ZNF841: variants seen among roughly 807,000 people sequenced by gnomAD.
The protein encoded by ZNF841 is TCONS_00006091.
Under a neutral mutation model 13.0 loss-of-function variants are expected in ZNF841, and 11 were observed. The observed-to-expected ratio is 0.85, with a 90% CI of 0.53 to 1.40. The LOEUF (loss-of-function observed/expected upper bound fraction) is 1.40, where lower values mean the gene tolerates loss of function less well. Among genes scored for constraint, ZNF841 ranks in the 40% most tolerant of loss-of-function variants. ZNF841 has a pLI of 0.00. For missense variants in ZNF841, 1,068 were observed against 1,139.5 expected, an observed-to-expected ratio of 0.94 and a Z score of 0.90; for synonymous variants, 369 against 381.6, an observed-to-expected ratio of 0.97 and a Z score of 0.38.
chr19:52,077,373 A>G (rs16983427), intron 4 of ZNF841, among the ~76,000 whole-genome samples: 2,999 of 152,354 alleles, frequency 0.02, 97 homozygotes, highest in African/African-American at 0.068. Context: ...TGTTACACCA[A>G]GTGAGGTGTC....
intron 3 of ZNF841, 133 bp from the exon 4 acceptor site, chr19:52,085,011 A>C: frequency 1.8e-6 from 1 of 564,414 alleles, no homozygotes; most frequent in Non-Finnish European, 3.1e-6. Flanking sequence ...AGCATAATAA[A>C]CTCCTACACA....
intron 2 of ZNF841, among the ~76,000 whole-genome samples, chr19:52,093,547 G>A (rs543702871): frequency 3.3e-5 from 5 of 152,216 alleles, no homozygotes; most frequent in South Asian, 2.1e-4. Context: ...TGTACACCAT[G>A]GTGACTATAC....
intron 4 of ZNF841, among the ~76,000 whole-genome samples, chr19:52,083,209 A>G (rs1383199110): frequency 1.3e-5 from 2 of 152,180 alleles, no homozygotes; most frequent in Admixed American, 6.5e-5. Context: ...CTCTTGCCAC[A>G]GAACTTACAA....
intron 4 of ZNF841, among the ~76,000 whole-genome samples, chr19:52,077,668 A>G (rs968792094): frequency 6.6e-6 from 1 of 152,236 alleles, no homozygotes; most frequent in African/African-American, 2.4e-5. Context: ...CAAACAGCAG[A>G]GCAAGCACCT....
chr19:52,075,639 TC>T (rs2087874705), intron 6 of ZNF841, among the ~76,000 whole-genome samples: 1 of 152,068 alleles, frequency 6.6e-6, no homozygotes. Context: ...CCAGAAAAGT[TC>T]CAGGCACCAG....
In ZNF841 at chr19:52,091,367, C is replaced by T. The variant is rs1202934094; in HGVS notation, c.-143-2365G>A. 3.9e-5 allele frequency among the ~76,000 whole-genome samples: 6 copies of T among 152,012 alleles called. No homozygotes were observed. The East Asian group carries it at 1.2e-3, about 29-fold the overall frequency. ...AAAAACCCTAAAACTTTTATACAAC[C>T]ACAAAAAACTCCAAAGAGCCAAAGC... On this transcript the variant is annotated intron_variant, in intron 2 of 6. Transcript: ENST00000594440.
chr19:52,087,815 G>A (rs765791106), intron 3 of ZNF841, among the ~76,000 whole-genome samples: 1 of 151,684 alleles, frequency 6.6e-6, no homozygotes, highest in Non-Finnish European at 1.5e-5. Context: ...GTGAAACCCC[G>A]TCTCTACTAA....
At chr19:52,089,540 G>C (rs940982029) in intron 2 of ZNF841, among the ~76,000 whole-genome samples, 2 of 152,024 alleles carry the variant, frequency 1.3e-5, no homozygotes, top group African/African-American at 4.8e-5. Flanking sequence ...TCAGCTACTC[G>C]GGAGGCTGAG....
intron 6 of ZNF841, among the ~76,000 whole-genome samples, chr19:52,069,226 T>G (rs1430147651): frequency 1.3e-5 from 2 of 152,078 alleles, no homozygotes; most frequent in Non-Finnish European, 2.9e-5. Flanking sequence ...ATGCATGCCA[T>G]CATGCCCGGT....
intron 5 of ZNF841, among the ~76,000 whole-genome samples, chr19:52,076,589 G>A (rs894290691): frequency 6.6e-6 from 1 of 150,546 alleles, no homozygotes; most frequent in Non-Finnish European, 1.5e-5. Context: ...AGGTTGCAGT[G>A]TGCCAAGATC....
chr19:52,070,850 G>T (rs1568538688), intron 6 of ZNF841, among the ~76,000 whole-genome samples: 1 of 152,178 alleles, frequency 6.6e-6, no homozygotes, highest in Non-Finnish European at 1.5e-5. Context: ...TAGCATGGGA[G>T]GTGAGGGAGT....
intron 3 of ZNF841, among the ~76,000 whole-genome samples, chr19:52,088,062 G>T (rs1187110180): frequency 1.3e-5 from 2 of 149,076 alleles, no homozygotes; most frequent in African/African-American, 2.5e-5. Context: ...AAAAACAAAG[G>T]TAGCCCCCCT....
rs748533722 is a variant in ZNF841 at position 52,067,225 on chromosome 19, T to TA, written c.656dup (p.Leu219PhefsTer18). 5.7e-4 allele frequency: 886 copies of TA among 1,549,292 alleles called. No individual in the cohort carries two copies. The highest frequency in any genetic ancestry group is 7.4e-4 in the Non-Finnish European group (848 of 1,146,356). ...GAAAAATTCTTTGAAGTGGTGAAGC[T>TA]AAAAAACAATTATTAACTGTCCTCT... On this transcript the variant is annotated frameshift_variant, in exon 7 of 7. Transcript: ENST00000594440. LOFTEE classifies it low-confidence loss of function (END_TRUNC).
chr19:52,071,701 T>A (rs1485145466), intron 6 of ZNF841, among the ~76,000 whole-genome samples: 1 of 150,932 alleles, frequency 6.6e-6, no homozygotes, highest in East Asian at 1.9e-4. Flanking sequence ...CCACAGAGAA[T>A]GTATAGAAGA....
At chr19:52,081,808 C>T (rs573970379) in intron 4 of ZNF841, among the ~76,000 whole-genome samples, 5 of 152,206 alleles carry the variant, frequency 3.3e-5, no homozygotes, top group South Asian at 4.1e-4. Flanking sequence ...GATCCAAGAT[C>T]GTGCCACTGC....
intron 6 of ZNF841, among the ~76,000 whole-genome samples, chr19:52,072,142 G>T (rs948717475): frequency 6.6e-6 from 1 of 152,138 alleles, no homozygotes; most frequent in African/African-American, 2.4e-5. Context: ...TAATTCACTA[G>T]GAGGATATAA....
rs776445579 is a variant in ZNF841 at position 52,066,714 on chromosome 19, T to C, written c.1168A>G (p.Thr390Ala). ...TCTCCAGTATGAACTGTCTGATGAG[T>C]TGCAAGAGAGGAACTTTGACTAAAG... ...KCFSQSSSLATHQTVHTGDKP... is the reference protein window; with the variant it reads ...KCFSQSSSLAAHQTVHTGDKP... Residue 390 changes from threonine to alanine, a missense_variant, in exon 7 of 7, where the codon ACT becomes GCT. By Grantham distance (58) the Thr-to-Ala change is moderately conservative. Coordinates refer to ENST00000594440, the MANE Select transcript of ZNF841 (RefSeq NM_001136499.2). The C allele has an allele frequency of 6.2e-6, 10 of 1,611,136 alleles. No individual in the cohort carries two copies. The highest frequency in any genetic ancestry group is 1.1e-5 in the South Asian group (1 of 90,794).
intron 4 of ZNF841, among the ~76,000 whole-genome samples, chr19:52,080,019 T>C (rs73066191): frequency 0.22 from 31,158 of 141,172 alleles, 4,566 homozygotes; most frequent in African/African-American, 0.41. Context: ...AAAAAAGAGA[T>C]AACATGATTG....
chr19:52,090,691 G>GAAAGAAAGAA (rs1261007113), intron 2 of ZNF841, among the ~76,000 whole-genome samples: 2 of 147,466 alleles, frequency 1.4e-5, no homozygotes, highest in African/African-American at 2.6e-5. Flanking sequence ...AAGAAAGAAA[G>GAAAGAAAGAA]AAAGAAAGAA....
Sources: gnomAD v4.1 joint callset for allele counts (sites outside exome capture counted in the v4.1 genomes callset) on GRCh38, gnomAD v4.1.1 for gene constraint, MANE v1.5 for transcripts, NCBI Gene and HGNC (gene_info 2026-07-23, HGNC 2026-07-21) for gene names.